KLHL1: variants seen among roughly 807,000 people sequenced by gnomAD.
KLHL1 encodes the protein kelch like family member 1.
Under a neutral mutation model 77.7 loss-of-function variants are expected in KLHL1, and 47 were observed. The ratio of observed to expected loss-of-function variants is 0.60; its 90% CI spans 0.48 to 0.77. The LOEUF is 0.77. Among genes scored for constraint, KLHL1 ranks in the 30% least tolerant of loss-of-function variants. The probability of loss-of-function intolerance (pLI) is 0.00; values close to 1 mark genes in which losing one functional copy is unlikely to be tolerated. For missense variants in KLHL1, 925 were observed against 910.8 expected, an observed-to-expected ratio of 1.02 and a Z score of -0.20; for synonymous variants, 360 against 325.2, an observed-to-expected ratio of 1.11 and a Z score of -1.15.
intron 4 of KLHL1, among the ~76,000 whole-genome samples, chr13:69,888,449 G>A (rs1424237387): frequency 6.6e-6 from 1 of 152,092 alleles, no homozygotes; most frequent in Admixed American, 6.6e-5. Flanking sequence ...TCTAATGACT[G>A]TGGTCTTTCT....
chr13:70,095,597 T>C (rs556025206), intron 1 of KLHL1, among the ~76,000 whole-genome samples: 118 of 152,298 alleles, frequency 7.7e-4, no homozygotes, highest in African/African-American at 2.7e-3. Context: ...TATGATACTT[T>C]AATACAAGCA....
chr13:70,036,747 C>T (rs1383432888), intron 1 of KLHL1, among the ~76,000 whole-genome samples: 1 of 149,874 alleles, frequency 6.7e-6, no homozygotes, highest in African/African-American at 2.4e-5. Context: ...TCTCATTAGA[C>T]TTTGAAACTT....
chr13:69,911,509 T>TA (rs1882237872), intron 4 of KLHL1, among the ~76,000 whole-genome samples: 1 of 151,442 alleles, frequency 6.6e-6, no homozygotes, highest in Admixed American at 6.6e-5. Flanking sequence ...ATTCAGTACT[T>TA]ACATGTTACA....
intron 5 of KLHL1, among the ~76,000 whole-genome samples, chr13:69,847,404 C>CAAAAAAAAAAAAAA (rs11357077): frequency 1.7e-4 from 25 of 145,926 alleles, no homozygotes; most frequent in African/African-American, 4.4e-4. Context: ...ACTGCATTAG[C>CAAAAAAAAAAAAAA]AAAAAAAAAA....
chr13:70,084,477 T>TTTTTTTTTTTTTG (rs1887474414), intron 1 of KLHL1, among the ~76,000 whole-genome samples: 1 of 147,398 alleles, frequency 6.8e-6, no homozygotes, highest in African/African-American at 2.5e-5. Flanking sequence ...TTTTTTTTTT[T>TTTTTTTTTTTTTG]GAGACGGAGT....
intron 7 of KLHL1, among the ~76,000 whole-genome samples, chr13:69,771,019 G>A (rs1875538261): frequency 6.6e-6 from 1 of 152,146 alleles, no homozygotes; most frequent in African/African-American, 2.4e-5. Context: ...TTCTTTGGGA[G>A]CTGTGATCTG....
chr13:69,991,013 T>C (rs1885014255), intron 1 of KLHL1, among the ~76,000 whole-genome samples: 1 of 151,844 alleles, frequency 6.6e-6, no homozygotes, highest in African/African-American at 2.4e-5. Context: ...CTCAAAACCA[T>C]ACAATTACAT....
intron 1 of KLHL1, among the ~76,000 whole-genome samples, chr13:70,026,335 T>C (rs1198370621): frequency 1.3e-5 from 2 of 152,096 alleles, no homozygotes; most frequent in Non-Finnish European, 2.9e-5. Flanking sequence ...CATTATTAGT[T>C]CAACTCTAAA....
chr13:69,727,898 C>A (rs111398249), intron 8 of KLHL1, among the ~76,000 whole-genome samples: 6,368 of 150,834 alleles, frequency 0.042, 176 homozygotes, highest in Non-Finnish European at 0.063. Flanking sequence ...AGCCAAGTTA[C>A]TATATGATCT....
intron 6 of KLHL1, among the ~76,000 whole-genome samples, chr13:69,826,945 G>A (rs1182337751): frequency 6.6e-6 from 1 of 151,398 alleles, no homozygotes; most frequent in Admixed American, 6.6e-5. Flanking sequence ...CTAGACAAAT[G>A]AATTTTGTCT....
At chr13:69,836,795 A>G (rs1879008189) in intron 6 of KLHL1, among the ~76,000 whole-genome samples, 1 of 152,066 alleles carries the variant, frequency 6.6e-6, no homozygotes, top group South Asian at 2.1e-4. Context: ...TAAAATAAAG[A>G]AAATGACAGG....
chr13:70,091,524 T>C (rs533206537), intron 1 of KLHL1, among the ~76,000 whole-genome samples: 2 of 152,268 alleles, frequency 1.3e-5, no homozygotes, highest in Admixed American at 1.3e-4. Context: ...TTATTTCTCT[T>C]GGGCAGCAAA....
chr13:70,067,332 T>C (rs1247714378), intron 1 of KLHL1, among the ~76,000 whole-genome samples: 1 of 152,188 alleles, frequency 6.6e-6, no homozygotes, highest in Admixed American at 6.5e-5. Flanking sequence ...GTGAGGTAGG[T>C]ACTATTTTTT....
intron 1 of KLHL1, among the ~76,000 whole-genome samples, chr13:70,041,097 C>T (rs1886368907): frequency 6.6e-6 from 1 of 152,026 alleles, no homozygotes; most frequent in Non-Finnish European, 1.5e-5. Context: ...TTTGGTTCTT[C>T]ATTGTCTCTT....
At chr13:69,930,501 T>C (rs1882966127) in intron 4 of KLHL1, among the ~76,000 whole-genome samples, 1 of 151,822 alleles carries the variant, frequency 6.6e-6, no homozygotes, top group Non-Finnish European at 1.5e-5. Context: ...TACTCTCTGA[T>C]AGTCTTGCTG....
At chr13:70,062,875 T>C (rs187763620) in intron 1 of KLHL1, among the ~76,000 whole-genome samples, 1 of 152,174 alleles carries the variant, frequency 6.6e-6, no homozygotes, top group Non-Finnish European at 1.5e-5. Context: ...AAGTGAAAAA[T>C]TAAATGTATT....
intron 7 of KLHL1, among the ~76,000 whole-genome samples, chr13:69,795,583 A>G (rs2138036141): frequency 6.6e-6 from 1 of 152,186 alleles, no homozygotes; most frequent in East Asian, 1.9e-4. Context: ...GTTCTTTATA[A>G]TAGGTATATA....
Position 69,700,967 on chromosome 13 carries a change from T to C in KLHL1, c.*735A>G, listed in dbSNP as rs895639380. On this transcript the variant is annotated 3_prime_UTR_variant, in exon 11 of 11. Transcript: ENST00000377844. ...AAAGCCCAATAATTACACTGCATCT[T>C]TGGCTCAGTGTGTTAAAAAAGCAAA... 3 of 152,346 alleles carry C rather than the reference T, an allele frequency of 2.0e-5. No individual in the cohort carries two copies. In the Admixed American group the frequency reaches 2.0e-4, roughly 10 times the overall value. The allele number at this position is 152,346 out of a possible 1,614,324, so 9.4% of individuals were successfully genotyped here.
At chr13:70,022,626 G>A (rs1593681422) in intron 1 of KLHL1, among the ~76,000 whole-genome samples, 1 of 151,756 alleles carries the variant, frequency 6.6e-6, no homozygotes, top group South Asian at 2.1e-4. Context: ...GATTTTATAG[G>A]TATAATCCAA....
Sources: gnomAD v4.1 joint callset for allele counts (sites outside exome capture counted in the v4.1 genomes callset) on GRCh38, gnomAD v4.1.1 for gene constraint, MANE v1.5 for transcripts, NCBI Gene and HGNC (gene_info 2026-07-23, HGNC 2026-07-21) for gene names.